The following CTNNA3 variants were observed in gnomAD, a reference collection of about 807,000 sequenced individuals.
CTNNA3 encodes catenin alpha 3.
Under a neutral mutation model 95.7 loss-of-function variants are expected in CTNNA3, and 76 were observed. That is an observed-to-expected ratio of 0.79 (90% confidence interval 0.66 to 0.96). The LOEUF is 0.96. CTNNA3 is among the 40% of genes least tolerant of loss of function. CTNNA3 has a pLI of 0.00. For missense variants in CTNNA3, 1,191 were observed against 1,089.8 expected, an observed-to-expected ratio of 1.09 and a Z score of -1.31; for synonymous variants, 431 against 374.4, an observed-to-expected ratio of 1.15 and a Z score of -1.74.
chr10:66,550,325 A>G (rs1308734879), intron 10 of CTNNA3, among the ~76,000 whole-genome samples: 2 of 152,122 alleles, frequency 1.3e-5, no homozygotes, highest in Non-Finnish European at 2.9e-5. Context: ...ATAGATCTGT[A>G]TCTTTATACT....
chr10:66,001,364 T>G (rs2078766821), intron 15 of CTNNA3, among the ~76,000 whole-genome samples: 1 of 152,194 alleles, frequency 6.6e-6, no homozygotes, highest in Non-Finnish European at 1.5e-5. Flanking sequence ...ATGTTTTCTT[T>G]TTTATAATAT....
chr10:66,138,027 GAAAAT>G (rs111856107), intron 13 of CTNNA3, among the ~76,000 whole-genome samples: 7,267 of 150,626 alleles, frequency 0.048, 212 homozygotes, highest in African/African-American at 0.067. Context: ...AAAAAACAAA[GAAAAT>G]AAAATAGTAA....
chr10:66,503,534 T>C (rs1194615070), intron 11 of CTNNA3, among the ~76,000 whole-genome samples: 1 of 152,032 alleles, frequency 6.6e-6, no homozygotes, highest in Non-Finnish European at 1.5e-5. Flanking sequence ...AGTGGTGTGA[T>C]CTCAGCTCAC....
At chr10:67,267,666 T>C (rs954766010) in intron 5 of CTNNA3, among the ~76,000 whole-genome samples, 1 of 152,200 alleles carries the variant, frequency 6.6e-6, no homozygotes, top group Non-Finnish European at 1.5e-5. Context: ...TATAAAGATC[T>C]AACCTTGAAA....
intron 5 of CTNNA3, among the ~76,000 whole-genome samples, chr10:67,445,899 T>C (rs1280045201): frequency 1.3e-5 from 2 of 152,186 alleles, no homozygotes; most frequent in Non-Finnish European, 2.9e-5. Flanking sequence ...ACAGTGAGCT[T>C]CCTGAGGGCA....
rs1478334671 is a variant in CTNNA3, at chr10:66,936,695, T to C, written c.1048-161171A>G. 2.0e-5 allele frequency among the ~76,000 whole-genome samples: 3 copies of C among 152,146 alleles called. No homozygotes were observed. In the East Asian group the frequency reaches 5.8e-4, roughly 29 times the overall value. On this transcript the variant is annotated intron_variant, in intron 7 of 17. Transcript: ENST00000433211. ...ACTCTGAGATGTCTGCCTTGTGTCT[T>C]CTCAGCATCCCATTTCCATGTATTT...
chr10:66,346,522 C>T (rs956892391), intron 12 of CTNNA3, among the ~76,000 whole-genome samples: 1 of 151,986 alleles, frequency 6.6e-6, no homozygotes, highest in Non-Finnish European at 1.5e-5. Flanking sequence ...CGTGATCTGC[C>T]TGCCTCGGCC....
chr10:67,027,785 T>A (rs572702358), intron 7 of CTNNA3, among the ~76,000 whole-genome samples: 60 of 152,300 alleles, frequency 3.9e-4, no homozygotes, highest in South Asian at 1.0e-3. Context: ...ACATATAATA[T>A]GTCCACCAGA....
At chr10:66,854,215 A>C (rs1021732856) in intron 7 of CTNNA3, among the ~76,000 whole-genome samples, 1 of 152,088 alleles carries the variant, frequency 6.6e-6, no homozygotes, top group African/African-American at 2.4e-5. Context: ...ATTTCCAAAA[A>C]TAGGCATGTT....
At chr10:67,231,205 C>G (rs905626431) in intron 5 of CTNNA3, among the ~76,000 whole-genome samples, 1 of 152,256 alleles carries the variant, frequency 6.6e-6, no homozygotes, top group Non-Finnish European at 1.5e-5. Flanking sequence ...CCTCTGTAGG[C>G]TCCACCTCTG....
At chr10:66,230,676 G>C (rs1250036683) in intron 13 of CTNNA3, among the ~76,000 whole-genome samples, 2 of 152,104 alleles carry the variant, frequency 1.3e-5, no homozygotes, top group African/African-American at 2.4e-5. Context: ...AGTTTATGGA[G>C]AGCGTGCACA....
At chr10:67,211,442 TTTTA>T (rs1288320476) in intron 6 of CTNNA3, among the ~76,000 whole-genome samples, 1 of 152,172 alleles carries the variant, frequency 6.6e-6, no homozygotes, top group Non-Finnish European at 1.5e-5. Flanking sequence ...TATCCATGTG[TTTTA>T]TTTAATCATC....
chr10:66,104,671 G>A lies in CTNNA3; in HGVS notation c.1885-1422C>T, dbSNP rs555743455. Among the ~76,000 whole-genome samples, 93 of 152,182 alleles carry A rather than the reference G, an allele frequency of 6.1e-4. 1 individual carries two copies. The highest frequency in any genetic ancestry group is 2.0e-3 in the African/African-American group (84 of 41,528). On this transcript the variant is annotated intron_variant, in intron 13 of 17. Transcript: ENST00000433211. ...GATTCCTTTGCTACAAAATCCTGGT[G>A]ACAAACCCAGAAAATAAGTATTTAG...
At chr10:67,206,733 A>ATCTAGAT (rs151185512) in intron 6 of CTNNA3, among the ~76,000 whole-genome samples, 6,890 of 151,570 alleles carry the variant, frequency 0.045, 192 homozygotes, top group South Asian at 0.1. Context: ...TGATTCTAGA[A>ATCTAGAT]TCTAGATTCT....
At chr10:65,977,528 C>T (rs2078229922) in intron 16 of CTNNA3, among the ~76,000 whole-genome samples, 1 of 152,048 alleles carries the variant, frequency 6.6e-6, no homozygotes, top group Non-Finnish European at 1.5e-5. Context: ...CGCCTATAAT[C>T]CCAGCATTTT....
intron 5 of CTNNA3, among the ~76,000 whole-genome samples, chr10:67,455,585 T>C (rs1295004417): frequency 2.0e-5 from 3 of 152,164 alleles, no homozygotes; most frequent in Non-Finnish European, 4.4e-5. Flanking sequence ...TGATAAGTCA[T>C]GTCAATAGAA....
intron 1 of CTNNA3, among the ~76,000 whole-genome samples, chr10:67,727,772 T>C (rs540773596): frequency 3.2e-5 from 4 of 124,772 alleles, no homozygotes; most frequent in East Asian, 4.2e-4. Flanking sequence ...TTATATATAA[T>C]ATATAATATG....
chr10:67,562,286 C>T lies in CTNNA3; in HGVS notation c.293-22617G>A, dbSNP rs4746688. 0.029 allele frequency among the ~76,000 whole-genome samples: 4,462 copies of T among 152,192 alleles called. 452 individuals carry two copies. The East Asian group carries it at 0.37, about 12-fold the overall frequency. On this transcript the variant is annotated intron_variant, in intron 3 of 17. Coordinates refer to ENST00000433211, the MANE Select transcript of CTNNA3 (RefSeq NM_013266.4). ...TCCAGCAGCACATCAAAAAGCTTAT[C>T]CACCATGATCAAGTGGGCTTCATCG...
chr10:67,182,992 C>T (rs1435657631), intron 6 of CTNNA3, among the ~76,000 whole-genome samples: 6 of 152,114 alleles, frequency 3.9e-5, no homozygotes, highest in African/African-American at 4.8e-5. Context: ...CAATGAGATG[C>T]CATCTCACAC....
Sources: allele counts gnomAD v4.1 joint callset (sites outside exome capture counted in the v4.1 genomes callset), GRCh38; gene constraint gnomAD v4.1.1; transcripts MANE v1.5; gene names NCBI Gene and HGNC (gene_info 2026-07-23, HGNC 2026-07-21).